Variants in SGCD observed in about 807,000 individuals in gnomAD.
SGCD encodes delta-sarcoglycan.
A neutral mutation model predicts 36.6 loss-of-function variants in SGCD; 18 were observed. That is an observed-to-expected ratio of 0.49 (90% confidence interval 0.34 to 0.73). The LOEUF is 0.73. Ranked by LOEUF, SGCD falls within the 30% of genes least tolerant of loss-of-function variation. The probability of loss-of-function intolerance (pLI) is 0.01; values close to 1 mark genes in which losing one functional copy is unlikely to be tolerated. For synonymous variants in SGCD, 133 were observed against 130.6 expected, an observed-to-expected ratio of 1.02 and a Z score of -0.12; for missense variants, 387 against 346.7, an observed-to-expected ratio of 1.12 and a Z score of -0.92.
chr5:156,085,942 G>A (rs1761081274), intron 1 of SGCD, among the ~76,000 whole-genome samples: 1 of 152,168 alleles, frequency 6.6e-6, no homozygotes, highest in Non-Finnish European at 1.5e-5. Flanking sequence ...GTTTCCATTT[G>A]TTTCCCATGT....
rs911249553 is a variant in SGCD, at chr5:156,762,560, C to T, written c.*3170C>T. On this transcript the variant is annotated 3_prime_UTR_variant, in exon 9 of 9. Transcript: ENST00000337851. ...TGGATAATTTTCATCGCATATCCAG[C>T]AACTATAGACCAAAGTTTGCTTAAG... 1 of 152,638 alleles carries T rather than the reference C, an allele frequency of 6.6e-6. No individual in the cohort carries two copies. The highest frequency in any genetic ancestry group is 1.5e-5 in the Non-Finnish European group (1 of 68,028). 9.5% of individuals were successfully genotyped at this position (152,638 alleles called of 1,614,324 possible).
At chr5:156,074,626 G>A (rs1760713879) in intron 1 of SGCD, among the ~76,000 whole-genome samples, 1 of 152,084 alleles carries the variant, frequency 6.6e-6, no homozygotes, top group Non-Finnish European at 1.5e-5. Flanking sequence ...GTTGCAGTGA[G>A]CCAAGATTAT....
chr5:156,665,248 G>A (rs1156290707), intron 7 of SGCD, among the ~76,000 whole-genome samples: 1 of 152,018 alleles, frequency 6.6e-6, no homozygotes, highest in Non-Finnish European at 1.5e-5. Flanking sequence ...TCGTGGTTTA[G>A]ACTCTGATGG....
intron 1 of SGCD, among the ~76,000 whole-genome samples, chr5:155,949,837 G>T (rs1467598052): frequency 6.6e-6 from 1 of 152,048 alleles, no homozygotes; most frequent in Non-Finnish European, 1.5e-5. Flanking sequence ...AAAAGTTTGG[G>T]GATTACTGAT....
intron 1 of SGCD, among the ~76,000 whole-genome samples, chr5:156,102,904 C>T (rs1159606374): frequency 6.6e-6 from 1 of 152,142 alleles, no homozygotes; most frequent in African/African-American, 2.4e-5. Flanking sequence ...AATTGACATA[C>T]ATATTTTTTC....
At chr5:156,711,047 G>A (rs111694647) in intron 7 of SGCD, among the ~76,000 whole-genome samples, 3,149 of 152,238 alleles carry the variant, frequency 0.021, 59 homozygotes, top group Non-Finnish European at 0.032. Context: ...GGTCTGTTTG[G>A]TCAGTCTTAA....
At position 155,929,601 on chromosome 5, in the gene SGCD, C is replaced by T. The variant is rs535214475; in HGVS notation, c.-282+59177C>T. On this transcript the variant is annotated intron_variant, in intron 1 of 9. Coordinates refer to the SGCD transcript ENST00000517913. ...TCTCCCCACATTTTCCCCTAAGTTA[C>T]CTTTCTAAAACATAAATCTGGATTC... 3.3e-5 allele frequency among the ~76,000 whole-genome samples: 5 copies of T among 152,244 alleles called. 1 individual carries two copies. In the South Asian group the frequency reaches 1.0e-3, roughly 32 times the overall value.
chr5:155,985,610 C>T (rs1758314399), intron 1 of SGCD, among the ~76,000 whole-genome samples: 1 of 152,166 alleles, frequency 6.6e-6, no homozygotes, highest in South Asian at 2.1e-4. Context: ...TTGAATATGA[C>T]TTACGTTAAG....
chr5:156,501,598 C>T (rs920634968), intron 3 of SGCD, among the ~76,000 whole-genome samples: 6 of 152,334 alleles, frequency 3.9e-5, no homozygotes, highest in Non-Finnish European at 8.8e-5. Context: ...TTCCACCTAC[C>T]TGTGCCCCCT....
chr5:156,558,088 A>AATATATATATATATATATATATATAT (rs67339181), intron 4 of SGCD, among the ~76,000 whole-genome samples: 11 of 95,568 alleles, frequency 1.2e-4, no homozygotes, highest in Non-Finnish European at 1.9e-4. Context: ...AGTAAATACA[A>AATATATATATATATATATATATATAT]ATATATATAT....
chr5:156,467,614 A>C (rs928116035), intron 3 of SGCD, among the ~76,000 whole-genome samples: 2 of 152,242 alleles, frequency 1.3e-5, no homozygotes, highest in African/African-American at 4.8e-5. Flanking sequence ...CTATCATTGT[A>C]TTAATACTTT....
chr5:155,793,629 C>T, the SGCD span, among the ~76,000 whole-genome samples: 4 of 151,136 alleles, frequency 2.6e-5, no homozygotes, highest in Admixed American at 2.0e-4. Context: ...GCAACCTCTA[C>T]GTCCTGGGTT....
At chr5:156,743,401 C>G (rs1378951375) in intron 7 of SGCD, among the ~76,000 whole-genome samples, 1 of 152,128 alleles carries the variant, frequency 6.6e-6, no homozygotes, top group Non-Finnish European at 1.5e-5. Context: ...CATGAACCAC[C>G]GCGCCCAGCC....
intron 3 of SGCD, among the ~76,000 whole-genome samples, chr5:156,187,001 T>A (rs558433660): frequency 1.3e-5 from 2 of 152,272 alleles, no homozygotes; most frequent in East Asian, 3.9e-4. Context: ...TTTCTTTTCA[T>A]GTTTTTTTTC....
At chr5:155,906,156 G>T (rs1322226420) in intron 1 of SGCD, among the ~76,000 whole-genome samples, 1 of 152,026 alleles carries the variant, frequency 6.6e-6, no homozygotes, top group Admixed American at 6.6e-5. Flanking sequence ...TAATGTAAGT[G>T]TTTTCGGGTA....
rs886060310 is a variant in SGCD, at chr5:156,765,139, C to T, written c.*5749C>T. ...GAAAACATCTGCTTGATTTAAAATCCACCCCACATGCCTAGAGTTGTCTAA... is the reference window on the plus strand; with the variant it reads ...GAAAACATCTGCTTGATTTAAAATCTACCCCACATGCCTAGAGTTGTCTAA... On this transcript the variant is annotated 3_prime_UTR_variant, in exon 9 of 9. Coordinates refer to ENST00000337851, the MANE Select transcript of SGCD (RefSeq NM_000337.6). 2.6e-5 allele frequency: 4 copies of T among 152,274 alleles called. No individual in the cohort carries two copies. Among genetic ancestry groups the T allele is most frequent in the Non-Finnish European group, 5.9e-5 (4 of 68,024 alleles). 9.4% of individuals were successfully genotyped at this position (152,274 alleles called of 1,614,324 possible).
intron 3 of SGCD, among the ~76,000 whole-genome samples, chr5:156,371,312 A>T (rs1455628557): frequency 6.6e-6 from 1 of 152,196 alleles, no homozygotes; most frequent in Non-Finnish European, 1.5e-5. Flanking sequence ...TTTTTGTATT[A>T]CAAATTGAGC....
intron 4 of SGCD, among the ~76,000 whole-genome samples, chr5:156,578,127 C>T (rs1024452258): frequency 6.6e-6 from 1 of 152,076 alleles, no homozygotes; most frequent in Non-Finnish European, 1.5e-5. Context: ...GCATGAAGGG[C>T]TGTTGAATTT....
rs556887176 is a variant in SGCD, at chr5:156,763,719, T to TA, written c.*4341dup. 0.027 allele frequency: 3,927 copies of TA among 144,774 alleles called. 135 individuals are homozygous for TA. The highest frequency in any genetic ancestry group is 0.088 in the African/African-American group (3,507 of 39,684). The allele number at this position is 144,774 out of a possible 1,614,324, so 9.0% of individuals were successfully genotyped here. A position where few individuals can be genotyped will look rare whatever the true frequency, so the allele number is the denominator to read the frequency against. ...CCAGGGTTTCATACTCAATATCGCT[T>TA]AAAAAAAAAAAAGTATCAGCTAGGG... is the stretch of plus-strand genomic sequence containing the variant. On this transcript the variant is annotated 3_prime_UTR_variant, in exon 9 of 9. Coordinates refer to ENST00000337851, the MANE Select transcript of SGCD (RefSeq NM_000337.6).
Sources: gnomAD v4.1 joint callset for allele counts (sites outside exome capture counted in the v4.1 genomes callset) on GRCh38, gnomAD v4.1.1 for gene constraint, MANE v1.5 for transcripts, NCBI Gene and HGNC (gene_info 2026-07-23, HGNC 2026-07-21) for gene names.